FAAH2: variants seen among roughly 807,000 people sequenced by gnomAD.
FAAH2 encodes fatty acid amide hydrolase 2, also known as fatty-acid amide hydrolase 2.
In FAAH2, 60 loss-of-function variants were observed where a neutral mutation model predicts 36.9. The observed-to-expected ratio is 1.63, with a 90% CI of 1.32 to 2.02. The LOEUF (loss-of-function observed/expected upper bound fraction) is 2.02. Among genes scored for constraint, FAAH2 ranks in the 30% most tolerant of loss-of-function variants. The pLI is 0.00. For missense variants in FAAH2, 689 were observed against 397.5 expected, an observed-to-expected ratio of 1.73 and a Z score of -6.23; for synonymous variants, 214 against 143.8, an observed-to-expected ratio of 1.49 and a Z score of -3.49.
At chrX:57,447,705 C>T (rs1346059582) in intron 9 of FAAH2, among the ~76,000 whole-genome samples, 1 of 100,985 alleles carries the variant, frequency 9.9e-6, no homozygotes, top group Non-Finnish European at 2.0e-5. Flanking sequence ...CTAGCCATGG[C>T]TAGAGGGGCT....
the FAAH2 span, among the ~76,000 whole-genome samples, chrX:57,140,450 C>T: frequency 2.0e-5 from 2 of 100,460 alleles, no homozygotes; most frequent in African/African-American, 7.8e-5. Flanking sequence ...GAAAAATTAA[C>T]CTGGCGTGGT....
chrX:57,260,467 T>C, the FAAH2 span, among the ~76,000 whole-genome samples: 1 of 112,066 alleles, frequency 8.9e-6, no homozygotes, highest in African/African-American at 3.2e-5. Flanking sequence ...GAAGAAACGA[T>C]AGTAAAATTT....
At chrX:57,203,255 C>G in the FAAH2 span, among the ~76,000 whole-genome samples, 1 of 111,946 alleles carries the variant, frequency 8.9e-6, no homozygotes, top group Non-Finnish European at 1.9e-5. Flanking sequence ...AGGGATGGGC[C>G]AAAACAAAGG....
the FAAH2 span, among the ~76,000 whole-genome samples, chrX:57,252,118 T>C: frequency 0.012 from 1,308 of 112,607 alleles, 18 homozygotes; most frequent in African/African-American, 0.041. Context: ...TGCTCGCTGC[T>C]AGTGAATCAA....
At chrX:57,335,023 C>T (rs2053508404) in intron 4 of FAAH2, among the ~76,000 whole-genome samples, 3 of 111,692 alleles carry the variant, frequency 2.7e-5, no homozygotes, top group South Asian at 7.5e-4. Flanking sequence ...ACAGAACTCT[C>T]CACCCCCAAA....
At chrX:57,299,485 C>A (rs1357254572) in intron 2 of FAAH2, among the ~76,000 whole-genome samples, 1 of 111,047 alleles carries the variant, frequency 9.0e-6, no homozygotes, top group Non-Finnish European at 1.9e-5. Flanking sequence ...TATGACAAAC[C>A]CACAGCCAAT....
chrX:57,342,077 A>T (rs779849831), intron 5 of FAAH2, among the ~76,000 whole-genome samples: 17 of 111,991 alleles, frequency 1.5e-4, no homozygotes, highest in Non-Finnish European at 3.0e-4. Flanking sequence ...AATATTTTGA[A>T]CTTTAGATTA....
chrX:57,194,326 T>C, the FAAH2 span, among the ~76,000 whole-genome samples: 1 of 111,478 alleles, frequency 9.0e-6, no homozygotes, highest in Non-Finnish European at 1.9e-5. Flanking sequence ...ACTCATAGTA[T>C]CCAATCATGA....
the FAAH2 span, chrX:57,228,966 G>A: frequency 1.8e-5 from 2 of 111,626 alleles, no homozygotes; most frequent in Non-Finnish European, 3.8e-5. Flanking sequence ...TTTGGATTCA[G>A]ATCCATATTT....
intron 5 of FAAH2, among the ~76,000 whole-genome samples, chrX:57,357,367 C>G (rs891536719): frequency 1.8e-5 from 2 of 111,433 alleles, no homozygotes; most frequent in Admixed American, 9.6e-5. Flanking sequence ...TTCTGCACAG[C>G]AAAAGAAACT....
At chrX:57,252,869 C>A in the FAAH2 span, among the ~76,000 whole-genome samples, 1 of 112,554 alleles carries the variant, frequency 8.9e-6, no homozygotes, top group African/African-American at 3.2e-5. Context: ...TCCAAAGGAA[C>A]ACAACTCCTT....
the FAAH2 span, among the ~76,000 whole-genome samples, chrX:57,208,024 G>A: frequency 7.7e-4 from 87 of 112,592 alleles, no homozygotes; most frequent in African/African-American, 2.7e-3. Context: ...TTGATCTGGG[G>A]GGTGTATTCT....
At chrX:57,437,771 TA>T (rs1327731195) in intron 8 of FAAH2, among the ~76,000 whole-genome samples, 1 of 103,014 alleles carries the variant, frequency 9.7e-6, no homozygotes, top group African/African-American at 3.4e-5. Context: ...TATTGAAATA[TA>T]ATTATATATT....
chrX:57,448,563 A>G lies in FAAH2; in HGVS notation c.1268A>G (p.Glu423Gly). The change falls in exon 10 of 11, where the codon GAG becomes GGG. Residue 423 changes from glutamate (E) to glycine (G), a missense_variant. By Grantham distance (98) the Glu-to-Gly change is moderately conservative. Transcript: ENST00000374900. ...GAAGAAAAGCTCAGATATAGCAATG[A>G]GAAATACCAAAAGTTTAAGGCAGTG... Reference protein sequence around the residue: ...LLEEKLRYSNEKYQKFKAVEE... With the variant: ...LLEEKLRYSNGKYQKFKAVEE... The G allele has an allele frequency of 2.5e-6, 3 of 1,211,596 alleles. No individual in the cohort carries two copies. Among genetic ancestry groups the G allele is most frequent in the Non-Finnish European group, 3.4e-6 (3 of 895,464 alleles).
intron 5 of FAAH2, among the ~76,000 whole-genome samples, chrX:57,350,050 C>A (rs895332692): frequency 2.7e-5 from 3 of 110,983 alleles, no homozygotes; most frequent in Non-Finnish European, 5.7e-5. Flanking sequence ...ATCCAACTAA[C>A]AATGACCCTC....
chrX:57,137,120 T>C, the FAAH2 span: 1 of 765,313 alleles, frequency 1.3e-6, no homozygotes, highest in Non-Finnish European at 1.5e-6. Flanking sequence ...ACCCCACCCT[T>C]GCCTGGCGCC....
the FAAH2 span, among the ~76,000 whole-genome samples, chrX:57,236,780 A>C: frequency 9.0e-6 from 1 of 111,314 alleles, no homozygotes; most frequent in South Asian, 3.7e-4. Flanking sequence ...GATGGTTTGC[A>C]AATATTTTCT....
At chrX:57,384,782 C>A (rs2054968266) in intron 7 of FAAH2, among the ~76,000 whole-genome samples, 1 of 111,516 alleles carries the variant, frequency 9.0e-6, no homozygotes, top group African/African-American at 3.3e-5. Flanking sequence ...CCTCAGGGAT[C>A]TAGAACTAGA....
chrX:57,448,395 C>G lies in FAAH2; in HGVS notation c.1229-129C>G, dbSNP rs780360505. On this transcript the variant is annotated intron_variant, in intron 9 of 10. Transcript: ENST00000374900. ...AGTTAAAAGTAAGATTATAAAGTTT[C>G]CTTTTCCATCACTTACTTTCTCAGT... 2.7e-4 allele frequency: 168 copies of G among 624,628 alleles called. 1 individual carries two copies. In the African/African-American group the frequency reaches 3.6e-3, roughly 13 times the overall value. 51.5% of individuals were successfully genotyped at this position (624,628 alleles called of 1,213,427 possible).
Sources: allele counts gnomAD v4.1 joint callset (sites outside exome capture counted in the v4.1 genomes callset), GRCh38; gene constraint gnomAD v4.1.1; transcripts MANE v1.5; gene names NCBI Gene and HGNC (gene_info 2026-07-23, HGNC 2026-07-21).